Variants in ZNF804B observed in about 807,000 individuals in gnomAD.
The protein encoded by ZNF804B is zinc finger 804B.
ZNF804B carries 80 observed loss-of-function variants against 101.4 expected under a neutral mutation model. The ratio of observed to expected loss-of-function variants is 0.79; its 90% confidence interval spans 0.66 to 0.95. The LOEUF is 0.95. Among genes scored for constraint, ZNF804B ranks in the 40% least tolerant of loss-of-function variants. The probability of loss-of-function intolerance (pLI) is 0.00; values close to 1 mark genes in which losing one functional copy is unlikely to be tolerated. For synonymous variants in ZNF804B, 622 were observed against 558.8 expected, an observed-to-expected ratio of 1.11 and a Z score of -1.59; for missense variants, 1,673 against 1,561.9, an observed-to-expected ratio of 1.07 and a Z score of -1.20.
intron 1 of ZNF804B, among the ~76,000 whole-genome samples, chr7:88,798,888 C>T (rs545059507): frequency 6.6e-6 from 1 of 152,190 alleles, no homozygotes; most frequent in East Asian, 1.9e-4. Flanking sequence ...ACTCTTCTAT[C>T]TGTCTGTCTA....
At chr7:89,270,324 T>A (rs897273517) in intron 2 of ZNF804B, among the ~76,000 whole-genome samples, 18 of 152,246 alleles carry the variant, frequency 1.2e-4, no homozygotes, top group East Asian at 1.9e-4. Context: ...AAATAGGGAA[T>A]CCTTTCCTCA....
chr7:89,229,062 TG>T (rs764459432), intron 2 of ZNF804B, among the ~76,000 whole-genome samples: 124 of 152,318 alleles, frequency 8.1e-4, no homozygotes, highest in Non-Finnish European at 1.3e-3. Flanking sequence ...GAACTCGCGC[TG>T]GCACGCAAGC....
At chr7:88,959,650 A>G (rs1286837154) in intron 1 of ZNF804B, among the ~76,000 whole-genome samples, 1 of 151,314 alleles carries the variant, frequency 6.6e-6, no homozygotes, top group East Asian at 2.0e-4. Flanking sequence ...TACTTCCCTC[A>G]TAGATTTATA....
At chr7:89,277,940 G>C (rs1220717718) in intron 2 of ZNF804B, among the ~76,000 whole-genome samples, 1 of 152,092 alleles carries the variant, frequency 6.6e-6, no homozygotes, top group Non-Finnish European at 1.5e-5. Context: ...CTTCCACAAT[G>C]GTTGAACTAG....
intron 1 of ZNF804B, among the ~76,000 whole-genome samples, chr7:88,961,746 A>G (rs1793388195): frequency 6.6e-6 from 1 of 151,310 alleles, no homozygotes; most frequent in African/African-American, 2.4e-5. Context: ...AAACTATATC[A>G]CCAAAAGCAA....
intron 1 of ZNF804B, among the ~76,000 whole-genome samples, chr7:88,771,100 C>G (rs561704335): frequency 6.6e-6 from 1 of 152,132 alleles, no homozygotes; most frequent in South Asian, 2.1e-4. Flanking sequence ...AGATGTTTCC[C>G]TGTCATACCA....
chr7:89,173,629 G>A (rs1027040975), intron 1 of ZNF804B, among the ~76,000 whole-genome samples: 8 of 151,966 alleles, frequency 5.3e-5, no homozygotes, highest in Non-Finnish European at 7.4e-5. Context: ...GTCACAGGCG[G>A]TCATATGAAT....
At chr7:88,904,845 T>G (rs1481967220) in intron 1 of ZNF804B, among the ~76,000 whole-genome samples, 1 of 152,164 alleles carries the variant, frequency 6.6e-6, no homozygotes, top group East Asian at 1.9e-4. Context: ...CTAGGAGTCT[T>G]TTGCGAGTTT....
chr7:89,186,340 C>G (rs972954677), intron 1 of ZNF804B, among the ~76,000 whole-genome samples: 1 of 151,994 alleles, frequency 6.6e-6, no homozygotes, highest in African/African-American at 2.4e-5. Context: ...TTTGCTCTGA[C>G]CTACCTAAAA....
intron 1 of ZNF804B, among the ~76,000 whole-genome samples, chr7:88,854,422 T>TCTTTCTTCCTTCCTTC (rs1554340161): frequency 2.0e-5 from 2 of 100,834 alleles, no homozygotes; most frequent in East Asian, 5.6e-4. Flanking sequence ...TTCCTTTCTT[T>TCTTTCTTCCTTCCTTC]CTTTCTTTCT....
intron 2 of ZNF804B, among the ~76,000 whole-genome samples, chr7:89,306,282 A>T (rs968110066): frequency 5.3e-5 from 8 of 151,994 alleles, no homozygotes; most frequent in African/African-American, 1.9e-4. Context: ...TGAGATTTGA[A>T]TGTGAAAGCA....
In ZNF804B at chr7:89,223,661, G is replaced by A. The variant is rs567358539; in HGVS notation, c.249+5366G>A. ...TTTGCCTCATGGCACTCCACTATGG[G>A]CAACACAGTGAGACCTGTCTCCAAA... is the stretch of plus-strand genomic sequence containing the variant. On this transcript the variant is annotated intron_variant, in intron 2 of 3. Transcript: ENST00000333190. 2.7e-5 allele frequency among the ~76,000 whole-genome samples: 4 copies of A among 147,732 alleles called. No homozygotes were observed. The South Asian group carries it at 8.6e-4, about 32-fold the overall frequency.
intron 1 of ZNF804B, among the ~76,000 whole-genome samples, chr7:88,854,480 T>TC (rs1791513772): frequency 2.5e-5 from 2 of 79,990 alleles, no homozygotes; most frequent in African/African-American, 7.0e-5. Flanking sequence ...TCTTTCTCTT[T>TC]CCTTTCCTTT....
intron 2 of ZNF804B, among the ~76,000 whole-genome samples, chr7:89,237,583 C>G (rs1326105905): frequency 6.6e-6 from 1 of 152,114 alleles, no homozygotes; most frequent in African/African-American, 2.4e-5. Flanking sequence ...TATGTTAGCT[C>G]TAGGCAGAAG....
chr7:88,794,771 C>T (rs1790450138), intron 1 of ZNF804B: 3 of 1,613,556 alleles, frequency 1.9e-6, no homozygotes, highest in African/African-American at 1.3e-5. Flanking sequence ...TCTACATTTG[C>T]TTGTATCTTG....
chr7:89,229,149 C>A (rs1789147683), intron 2 of ZNF804B, among the ~76,000 whole-genome samples: 1 of 152,228 alleles, frequency 6.6e-6, no homozygotes, highest in Admixed American at 6.5e-5. Flanking sequence ...CAGCTCCGGC[C>A]TTGGCCAGCC....
intron 1 of ZNF804B, among the ~76,000 whole-genome samples, chr7:89,217,900 C>A (rs907621410): frequency 1.3e-5 from 2 of 152,076 alleles, no homozygotes; most frequent in Middle Eastern, 3.4e-3. Context: ...ACAATCACAA[C>A]CTAGAAATGG....
At chr7:88,881,124 A>C (rs1435830425) in intron 1 of ZNF804B, among the ~76,000 whole-genome samples, 3 of 152,072 alleles carry the variant, frequency 2.0e-5, no homozygotes, top group Non-Finnish European at 4.4e-5. Context: ...AGATATTTAA[A>C]ATTATGATAG....
At chr7:89,264,891 T>A (rs756930377) in intron 2 of ZNF804B, among the ~76,000 whole-genome samples, 3 of 152,330 alleles carry the variant, frequency 2.0e-5, no homozygotes, top group East Asian at 1.9e-4. Context: ...TGTTACTCTG[T>A]ATTACCTTTT....
Sources: allele counts gnomAD v4.1 joint callset (sites outside exome capture counted in the v4.1 genomes callset), GRCh38; gene constraint gnomAD v4.1.1; transcripts MANE v1.5; gene names NCBI Gene and HGNC (gene_info 2026-07-23, HGNC 2026-07-21).